Variants in SLC2A13 observed in about 807,000 individuals in gnomAD.
SLC2A13 encodes the protein solute carrier family 2 member 13.
A neutral mutation model predicts 64.4 loss-of-function variants in SLC2A13; 32 were observed. The ratio of observed to expected loss-of-function variants is 0.50; its 90% confidence interval spans 0.37 to 0.67. The LOEUF is 0.67. SLC2A13 is among the 30% of genes least tolerant of loss of function. The probability of loss-of-function intolerance (pLI) is 0.00; values close to 1 mark genes in which losing one functional copy is unlikely to be tolerated. For missense variants in SLC2A13, 743 were observed against 829.2 expected (o/e 0.90, Z 1.28); for synonymous variants, 338 against 327.1 (o/e 1.03, Z -0.36).
chr12:39,917,530 T>C (rs1428457182), intron 4 of SLC2A13, among the ~76,000 whole-genome samples: 1 of 152,042 alleles, frequency 6.6e-6, no homozygotes, highest in Non-Finnish European at 1.5e-5. Flanking sequence ...TTGCCCTCCA[T>C]GGTGGGCATC....
chr12:39,784,291 A>G (rs1941105389), intron 7 of SLC2A13, among the ~76,000 whole-genome samples: 1 of 152,188 alleles, frequency 6.6e-6, no homozygotes, highest in Non-Finnish European at 1.5e-5. Context: ...AAAAGAACAA[A>G]GCTGGAGGCA....
chr12:39,910,467 T>G (rs1202641413), intron 4 of SLC2A13, among the ~76,000 whole-genome samples: 1 of 152,098 alleles, frequency 6.6e-6, no homozygotes, highest in Non-Finnish European at 1.5e-5. Flanking sequence ...AAGGAATTTT[T>G]TTCAGATGTA....
intron 6 of SLC2A13, among the ~76,000 whole-genome samples, chr12:39,849,815 C>T (rs1427141615): frequency 6.6e-6 from 1 of 152,016 alleles, no homozygotes; most frequent in Non-Finnish European, 1.5e-5. Flanking sequence ...CATAAAAATC[C>T]TACCTTACTT....
chr12:39,808,503 C>T (rs1942047665), intron 7 of SLC2A13, among the ~76,000 whole-genome samples: 1 of 152,082 alleles, frequency 6.6e-6, no homozygotes, highest in Non-Finnish European at 1.5e-5. Flanking sequence ...ATGTGATTAA[C>T]TTCAGAAGAA....
chr12:39,876,791 A>T (rs907672123), intron 4 of SLC2A13, among the ~76,000 whole-genome samples: 1 of 152,166 alleles, frequency 6.6e-6, no homozygotes, highest in Non-Finnish European at 1.5e-5. Context: ...CATAAATAAA[A>T]GGGATATGGA....
chr12:39,777,480 G>C (rs1002347096), intron 7 of SLC2A13, among the ~76,000 whole-genome samples: 56 of 152,314 alleles, frequency 3.7e-4, no homozygotes, highest in African/African-American at 1.3e-3. Flanking sequence ...GTAGAGGAGG[G>C]CGTGGTCCCT....
intron 3 of SLC2A13, among the ~76,000 whole-genome samples, chr12:39,964,508 T>C (rs1946471799): frequency 6.6e-6 from 1 of 152,218 alleles, no homozygotes; most frequent in East Asian, 1.9e-4. Context: ...TGGAAGAATG[T>C]AAATGCTATG....
chr12:39,937,166 G>A (rs1480990979), intron 4 of SLC2A13, among the ~76,000 whole-genome samples: 2 of 152,194 alleles, frequency 1.3e-5, no homozygotes, highest in Non-Finnish European at 2.9e-5. Flanking sequence ...TCTGGGAAGA[G>A]GAAAATAGAA....
At chr12:39,923,737 C>G (rs1019486184) in intron 4 of SLC2A13, among the ~76,000 whole-genome samples, 4 of 128,410 alleles carry the variant, frequency 3.1e-5, no homozygotes, top group African/African-American at 1.1e-4. Flanking sequence ...TATTTTAACA[C>G]GATAAAAAAT....
rs59805494 is a variant in SLC2A13 at position 40,030,744 on chromosome 12, G to GA, written c.717-2236dup. 7.2e-5 allele frequency among the ~76,000 whole-genome samples: 11 copies of GA among 152,134 alleles called. No individual in the cohort carries two copies. In the East Asian group the frequency reaches 2.1e-3, roughly 29 times the overall value. On this transcript the variant is annotated intron_variant, in intron 2 of 9. Coordinates refer to ENST00000280871, the MANE Select transcript of SLC2A13 (RefSeq NM_052885.4). ...TTAAACAGAAAAAAAGACAAGGGAA[G>GA]AGAAGAGAAGAGAAAAGAGAAGACA... is the stretch of plus-strand genomic sequence containing the variant.
intron 1 of SLC2A13, among the ~76,000 whole-genome samples, chr12:40,058,070 T>TAGAC (rs1565608575): frequency 6.6e-6 from 1 of 150,834 alleles, no homozygotes. Flanking sequence ...GATAGATAGA[T>TAGAC]AGATAGATAG....
At chr12:40,086,567 G>A (rs529012577) in intron 1 of SLC2A13, among the ~76,000 whole-genome samples, 2 of 152,160 alleles carry the variant, frequency 1.3e-5, no homozygotes, top group South Asian at 4.2e-4. Context: ...TCCCCCATTG[G>A]TTAAATACAC....
intron 1 of SLC2A13, among the ~76,000 whole-genome samples, chr12:40,082,774 A>C (rs17489529): frequency 0.022 from 3,336 of 152,238 alleles, 138 homozygotes; most frequent in African/African-American, 0.072. Flanking sequence ...CATAGGGGTT[A>C]TGGGGTCTCC....
chr12:40,048,069 A>T lies in SLC2A13; in HGVS notation c.698T>A (p.Leu233His), dbSNP rs112103961. 2.5e-6 allele frequency: 4 copies of T among 1,609,422 alleles called. No homozygotes were observed. Among genetic ancestry groups the T allele is most frequent in the Middle Eastern group, 1.7e-4 (1 of 6,032 alleles). The change falls in exon 2 of 10, where the codon CTC becomes CAC. Residue 233 changes from leucine to histidine, a missense_variant. Physicochemically the swap from Leu to His is moderately conservative, Grantham distance 99. Coordinates refer to ENST00000280871, the MANE Select transcript of SLC2A13 (RefSeq NM_052885.4). ...ASVVDGAFSY[L>H]QKDGWRYMLG... ...TACAAACCTCCATCCATCCTTCTGG[A>T]GATAACTGAAGGCTCCATCAACAAC... is the stretch of plus-strand genomic sequence containing the variant.
At chr12:39,866,481 G>T (rs1314715816) in intron 5 of SLC2A13, among the ~76,000 whole-genome samples, 4 of 152,080 alleles carry the variant, frequency 2.6e-5, no homozygotes, top group African/African-American at 9.7e-5. Flanking sequence ...TAATGTATTT[G>T]AAAGATTTTT....
intron 4 of SLC2A13, among the ~76,000 whole-genome samples, chr12:39,886,493 T>C (rs1192116831): frequency 6.6e-6 from 1 of 152,098 alleles, no homozygotes; most frequent in East Asian, 1.9e-4. Flanking sequence ...CATACATTTA[T>C]TTAGGGGGTA....
intron 3 of SLC2A13, among the ~76,000 whole-genome samples, chr12:39,978,792 C>T (rs1232762776): frequency 6.6e-5 from 10 of 152,088 alleles, no homozygotes; most frequent in Non-Finnish European, 1.0e-4. Flanking sequence ...ACAAAGCAGC[C>T]TGGAAGCTCG....
intron 1 of SLC2A13, among the ~76,000 whole-genome samples, chr12:40,094,453 A>G (rs541983069): frequency 5.4e-4 from 83 of 152,322 alleles, no homozygotes; most frequent in African/African-American, 1.9e-3. Flanking sequence ...AGCAGCCTAC[A>G]GAAAAAGCTG....
intron 3 of SLC2A13, among the ~76,000 whole-genome samples, chr12:39,963,858 CCATGTATGATT>C (rs1946458758): frequency 6.6e-6 from 1 of 152,100 alleles, no homozygotes; most frequent in African/African-American, 2.4e-5. Flanking sequence ...GAAAAGCTAA[CCATGTATGATT>C]CATGCTATAT....
Sources: gnomAD v4.1 joint callset for allele counts (sites outside exome capture counted in the v4.1 genomes callset) on GRCh38, gnomAD v4.1.1 for gene constraint, MANE v1.5 for transcripts, NCBI Gene and HGNC (gene_info 2026-07-23, HGNC 2026-07-21) for gene names.